The following CTCFL variants were observed in gnomAD, a reference collection of about 807,000 sequenced individuals.
CTCFL encodes the protein CCCTC-binding factor like.
In CTCFL, 36 loss-of-function variants were observed where a neutral mutation model predicts 67.4. The ratio of observed to expected loss-of-function variants is 0.53; its 90% CI spans 0.41 to 0.71. CTCFL has a LOEUF of 0.71. Among genes scored for constraint, CTCFL ranks in the 30% least tolerant of loss-of-function variants. The pLI is 0.00. For synonymous variants in CTCFL, 324 were observed against 302.3 expected, an observed-to-expected ratio of 1.07 and a Z score of -0.75; for missense variants, 786 against 835.2, an observed-to-expected ratio of 0.94 and a Z score of 0.73.
chr20:57,504,586 A>G (rs980888084), intron 9 of CTCFL, among the ~76,000 whole-genome samples: 1 of 151,784 alleles, frequency 6.6e-6, no homozygotes. Flanking sequence ...TGGCCAAGAT[A>G]ACATCCTAAC....
In CTCFL at chr20:57,513,297, C is replaced by G. The variant is rs578199477; in HGVS notation, c.1331-545G>C. 8 of 985,842 alleles carry G rather than the reference C, an allele frequency of 8.1e-6. No individual in the cohort carries two copies. In the South Asian group the frequency reaches 3.8e-4, roughly 46 times the overall value. The allele number at this position is 985,842 out of a possible 1,614,324, so 61.1% of individuals were successfully genotyped here. ...TGTTATTTCCTATGTTGAAATTAACCTGAGACACATGGTAAGGTCTGGCTG... is the reference window on the plus strand; with the variant it reads ...TGTTATTTCCTATGTTGAAATTAACGTGAGACACATGGTAAGGTCTGGCTG... On this transcript the variant is annotated intron_variant, in intron 7 of 10. Transcript: ENST00000243914.
At chr20:57,517,491 T>C (rs1984422) in intron 5 of CTCFL, among the ~76,000 whole-genome samples, 18,218 of 152,040 alleles carry the variant, frequency 0.12, 1,427 homozygotes, top group East Asian at 0.37. Flanking sequence ...TTGGCCAGGC[T>C]GGTTTTGAAC....
intron 3 of CTCFL, among the ~76,000 whole-genome samples, chr20:57,519,677 G>C (rs1044198917): frequency 4.6e-5 from 7 of 152,176 alleles, no homozygotes; most frequent in African/African-American, 1.7e-4. Context: ...GAACATTTCA[G>C]AATGTCTTGT....
At chr20:57,520,052 TG>T (rs1312257744) in intron 3 of CTCFL, among the ~76,000 whole-genome samples, 1 of 152,224 alleles carries the variant, frequency 6.6e-6, no homozygotes, top group Non-Finnish European at 1.5e-5. Flanking sequence ...TCTTGGATGA[TG>T]CTGGTCTAGC....
At position 57,503,735 on chromosome 20, in the gene CTCFL, C is replaced by T. The variant is rs141915493; in HGVS notation, c.1675-134G>A. On this transcript the variant is annotated intron_variant, in intron 9 of 10. Transcript: ENST00000243914. ...CTTTCGAGGGCAATTCCACACACCT[C>T]GCTAGCCCTAAGAAGTAAATAAGCA... The T allele has an allele frequency of 1.6e-3, 1,402 of 857,492 alleles. 17 individuals carry two copies. The African/African-American group carries it at 0.02, about 12-fold the overall frequency. The allele number at this position is 857,492 out of a possible 1,614,324, so 53.1% of individuals were successfully genotyped here. A position where few individuals can be genotyped will look rare whatever the true frequency, so the allele number is the denominator to read the frequency against.
In CTCFL at chr20:57,514,659, G is replaced by A. The variant is rs375495371; in HGVS notation, c.1263C>T (p.His421=). The A allele has an allele frequency of 1.4e-5, 22 of 1,614,102 alleles. No homozygotes were observed. Among genetic ancestry groups the A allele is most frequent in the East Asian group, 2.2e-5 (1 of 44,902 alleles). Residue 421 remains histidine (H), a synonymous_variant, in exon 7 of 11, where the codon CAC becomes CAT. Transcript: ENST00000243914. ...GTMKIHILQK[H]GENVPKYQCP... ...ACTGGTATTTGGGGACATTTTCGCC[G>A]TGTTTCTGCAGAATATGTATTTTCA...
At chr20:57,523,314 G>T in intron 2 of CTCFL, 36 bp from the exon 3 acceptor site, 1 of 1,567,668 alleles carries the variant, frequency 6.4e-7, no homozygotes, top group South Asian at 1.1e-5. Flanking sequence ...TGATACTATT[G>T]ATTTCAGTAT....
rs113338073 is a variant in CTCFL at position 57,512,847 on chromosome 20, G to A, written c.1331-95C>T. 3.5e-4 allele frequency: 409 copies of A among 1,167,008 alleles called. 4 individuals carry two copies. In the African/African-American group the frequency reaches 4.9e-3, roughly 14 times the overall value. The allele number at this position is 1,167,008 out of a possible 1,614,324, so 72.3% of individuals were successfully genotyped here. A position where few individuals can be genotyped will look rare whatever the true frequency, so the allele number is the denominator to read the frequency against. ...TAAACCGGGGTTTCTCAGCCTTGGC[G>A]CTGGAACATGCTAGTTCCTTCCTGG... On this transcript the variant is annotated intron_variant, in intron 7 of 10. Coordinates refer to ENST00000243914, the MANE Select transcript of CTCFL (RefSeq NM_001386993.1).
chr20:57,524,459 G>T, intron 1 of CTCFL: 1 of 1,320,526 alleles, frequency 7.6e-7, no homozygotes, highest in Non-Finnish European at 9.7e-7. Flanking sequence ...ACAGGTTTGG[G>T]CCTCAGCAGG....
rs1457217384 is a variant in CTCFL, at chr20:57,497,968, C to T, written c.*582G>A. The T allele has an allele frequency of 1.1e-6, 1 of 931,514 alleles. No homozygotes were observed. Among genetic ancestry groups the T allele is most frequent in the Non-Finnish European group, 1.3e-6 (1 of 781,254 alleles). 57.7% of individuals were successfully genotyped at this position (931,514 alleles called of 1,614,324 possible). Reference sequence around the variant, plus strand: ...AGTTTTCCTTTTTATAAGAGTAAAACATTTTTTGGTTGAATTTAGAACTAA... The same window carrying T: ...AGTTTTCCTTTTTATAAGAGTAAAATATTTTTTGGTTGAATTTAGAACTAA... On this transcript the variant is annotated 3_prime_UTR_variant, in exon 11 of 11. Coordinates refer to ENST00000243914, the MANE Select transcript of CTCFL (RefSeq NM_001386993.1).
Position 57,498,389 on chromosome 20 carries a change from T to C in CTCFL, c.*161A>G. ...AACTTAATTGTTTCAAAGAAAATGCTAAAAATTTCTAACTTGCTTTAGGAA... is the reference window on the plus strand; with the variant it reads ...AACTTAATTGTTTCAAAGAAAATGCCAAAAATTTCTAACTTGCTTTAGGAA... On this transcript the variant is annotated 3_prime_UTR_variant, in exon 11 of 11. Transcript: ENST00000243914. 1 of 1,410,934 alleles carries C rather than the reference T, an allele frequency of 7.1e-7. No homozygotes were observed. Among genetic ancestry groups the C allele is most frequent in the Non-Finnish European group, 9.3e-7 (1 of 1,078,398 alleles). The allele number at this position is 1,410,934 out of a possible 1,614,324, so 87.4% of individuals were successfully genotyped here.
In CTCFL at chr20:57,503,441, C is replaced by G. The variant is rs2068019709; in HGVS notation, c.1835G>C (p.Gly612Ala). The G allele has an allele frequency of 1.2e-6, 2 of 1,614,062 alleles. No individual in the cohort carries two copies. The highest frequency in any genetic ancestry group is 1.7e-5 in the Admixed American group (1 of 60,006). ...AATCTGCGTAAAATCAGTACCGTCT[C>G]CGTTCGCGGCTTCCTTCCATCCCTT... ...AAKGWKEAANGDEAAAEEAST... is the reference protein window; with the variant it reads ...AAKGWKEAANADEAAAEEAST... Residue 612 changes from glycine (G) to alanine (A), a missense_variant, in exon 10 of 11, where the codon GGA becomes GCA. By Grantham distance (60) the Gly-to-Ala change is moderately conservative. Coordinates refer to ENST00000243914, the MANE Select transcript of CTCFL (RefSeq NM_001386993.1).
At chr20:57,508,513 A>G (rs941628927) in intron 9 of CTCFL, 93 bp downstream of exon 9, 4 of 1,230,510 alleles carry the variant, frequency 3.3e-6, no homozygotes, top group Non-Finnish European at 4.6e-6. Context: ...GCAGGTTTCT[A>G]TAATCGGGTT....
At position 57,498,426 on chromosome 20, in the gene CTCFL, G is replaced by A. The variant is rs2067759432; in HGVS notation, c.*124C>T. 6.9e-7 allele frequency: 1 copy of A among 1,457,810 alleles called. No homozygotes were observed. 90.3% of individuals were successfully genotyped at this position (1,457,810 alleles called of 1,614,324 possible). A position where few individuals can be genotyped will look rare whatever the true frequency, so the allele number is the denominator to read the frequency against. On this transcript the variant is annotated 3_prime_UTR_variant, in exon 11 of 11. Transcript: ENST00000243914. Reference sequence around the variant, plus strand: ...ACTTGCTTTAGGAATTAGGGGCAGTGAACATGCAACCTGACTCTCTCTCAC... The same window carrying A: ...ACTTGCTTTAGGAATTAGGGGCAGTAAACATGCAACCTGACTCTCTCTCAC...
chr20:57,523,278 G>A lies in CTCFL; in HGVS notation c.544C>T (p.Leu182Phe). 6.2e-7 allele frequency: 1 copy of A among 1,611,402 alleles called. No individual in the cohort carries two copies. Among genetic ancestry groups the A allele is most frequent in the Non-Finnish European group, 8.5e-7 (1 of 1,178,712 alleles). ...SLAETTGLIK[L>F]EEEQEKNQLL... Reference sequence around the variant, plus strand: ...TGGTTCTTCTCCTGCTCTTCCTCGAGCTAATAAACAACAAATATTCAAATA... The same window carrying A: ...TGGTTCTTCTCCTGCTCTTCCTCGAACTAATAAACAACAAATATTCAAATA... The change falls in exon 3 of 11, where the codon CTC (leucine) becomes TTC (phenylalanine). Residue 182 changes from leucine to phenylalanine, a missense_variant and splice_region_variant. By Grantham distance (22) the Leu-to-Phe change is conservative. Around this residue, in one of 3 missense-constraint regions of CTCFL, gnomAD observed 333 missense variants for 304.6 expected, o/e 1.09. Coordinates refer to ENST00000243914, the MANE Select transcript of CTCFL (RefSeq NM_001386993.1).
chr20:57,515,637 A>T, intron 6 of CTCFL, 77 bp downstream of exon 6: 1 of 1,584,806 alleles, frequency 6.3e-7, no homozygotes, highest in Non-Finnish European at 8.6e-7. Flanking sequence ...TAATTGTGCC[A>T]ATAAAAAGTA....
chr20:57,518,652 A>G (rs565533385), intron 5 of CTCFL, 106 bp downstream of exon 5: 1 of 1,594,352 alleles, frequency 6.3e-7, no homozygotes, highest in East Asian at 2.2e-5. Flanking sequence ...TATGAATAAT[A>G]AAAAGCCTGT....
chr20:57,501,359 G>A (rs937072608), intron 10 of CTCFL, among the ~76,000 whole-genome samples: 4 of 150,788 alleles, frequency 2.7e-5, no homozygotes, highest in Non-Finnish European at 5.9e-5. Context: ...TGATAGGAAA[G>A]AGCAGGCCTG....
In CTCFL at chr20:57,497,533, C is replaced by T; in HGVS notation, c.*1017G>A. On this transcript the variant is annotated 3_prime_UTR_variant, in exon 11 of 11. Coordinates refer to ENST00000243914, the MANE Select transcript of CTCFL (RefSeq NM_001386993.1). The stretch of plus-strand genomic sequence containing the variant: ...AACTAAGCAATGAAGAAAAATCTGC[C>T]TCTGTATCCAGATAGAAATGAATTT... 7 of 985,400 alleles carry T rather than the reference C, an allele frequency of 7.1e-6. No homozygotes were observed. Among genetic ancestry groups the T allele is most frequent in the Non-Finnish European group, 7.2e-6 (6 of 829,918 alleles). The allele number at this position is 985,400 out of a possible 1,614,324, so 61.0% of individuals were successfully genotyped here.
Sources: gnomAD v4.1 joint callset for allele counts (sites outside exome capture counted in the v4.1 genomes callset) on GRCh38, gnomAD v4.1.1 for gene constraint, gnomAD v4.1.1 regional missense constraint, MANE v1.5 for transcripts, NCBI Gene and HGNC (gene_info 2026-07-23, HGNC 2026-07-21) for gene names.